Variants in PBX1 observed in about 807,000 individuals in gnomAD.
The protein encoded by PBX1 is pre-B-cell leukemia transcription factor 1.
PBX1 carries 6 observed loss-of-function variants against 53.4 expected under a neutral mutation model. That is an observed-to-expected ratio of 0.11 (90% CI 0.06 to 0.22). The LOEUF (loss-of-function observed/expected upper bound fraction) is 0.22. Among genes scored for constraint, PBX1 ranks in the 10% least tolerant of loss-of-function variants. PBX1 has a pLI of 1.00. For missense variants in PBX1, 251 were observed against 551.4 expected (o/e 0.46, Z 5.46); for synonymous variants, 204 against 212.3 (o/e 0.96, Z 0.34).
intron 6 of PBX1, chr1:164,814,398 T>A (rs1050950403): frequency 6.6e-6 from 1 of 151,460 alleles, no homozygotes; most frequent in Non-Finnish European, 1.5e-5. Context: ...GAAGCAGAAG[T>A]TTTTTTTTCA....
rs970321579 is a variant in PBX1, at chr1:164,683,691, A to G, written c.266-108803A>G. 5 of 151,230 alleles carry G rather than the reference A, an allele frequency of 3.3e-5. No individual in the cohort carries two copies. The East Asian group carries it at 9.7e-4, about 29-fold the overall frequency. The allele number at this position is 151,230 out of a possible 1,614,324, so 9.4% of individuals were successfully genotyped here. ...ACTAGTTAAGGACTGACTGCTGAAC[A>G]TGGTCCAGAAACTTACTGTCAAATT... On this transcript the variant is annotated intron_variant, in intron 2 of 8. Transcript: ENST00000420696.
At chr1:164,657,670 G>T (rs1660241646) in intron 2 of PBX1, among the ~76,000 whole-genome samples, 1 of 152,172 alleles carries the variant, frequency 6.6e-6, no homozygotes, top group Non-Finnish European at 1.5e-5. Context: ...CTATAAGTGG[G>T]CATATTGTTT....
chr1:164,643,757 T>G (rs1659290654), intron 2 of PBX1, among the ~76,000 whole-genome samples: 1 of 152,246 alleles, frequency 6.6e-6, no homozygotes, highest in Non-Finnish European at 1.5e-5. Context: ...ATCACATATA[T>G]TTTATAGATG....
chr1:164,780,176 T>C (rs1159174507), intron 2 of PBX1, among the ~76,000 whole-genome samples: 1 of 152,094 alleles, frequency 6.6e-6, no homozygotes, highest in East Asian at 1.9e-4. Flanking sequence ...AGAGACCCCC[T>C]GCTCTCCCCA....
chr1:164,562,026 C>T (rs928594862), intron 1 of PBX1, among the ~76,000 whole-genome samples: 5 of 151,886 alleles, frequency 3.3e-5, no homozygotes, highest in African/African-American at 9.7e-5. Flanking sequence ...CAATGTAACT[C>T]CACTTAGTAG....
intron 2 of PBX1, among the ~76,000 whole-genome samples, chr1:164,702,095 A>G (rs762903682): frequency 7.9e-5 from 12 of 152,214 alleles, no homozygotes; most frequent in Non-Finnish European, 1.0e-4. Context: ...TATAGCTTGT[A>G]TAGTAATTCC....
intron 8 of PBX1, among the ~76,000 whole-genome samples, chr1:164,838,251 G>A (rs182536095): frequency 5.6e-4 from 86 of 152,248 alleles, no homozygotes; most frequent in Middle Eastern, 3.4e-3. Context: ...TTACTCTTAG[G>A]TCTTAGACCA....
rs11372613 is a variant in PBX1 at position 164,708,383 on chromosome 1, T to TAA, written c.266-84104_266-84103dup. 2.2e-4 allele frequency among the ~76,000 whole-genome samples: 33 copies of TAA among 151,924 alleles called. No individual in the cohort carries two copies. The East Asian group carries it at 3.5e-3, about 16-fold the overall frequency. ...GCTTTACACATATATAGTCTTTTTT[T>TAA]AAAAAAAATATTTTCTTTTCTTTTA... On this transcript the variant is annotated intron_variant, in intron 2 of 8. Transcript: ENST00000420696.
At chr1:164,761,606 G>A (rs186011211) in intron 2 of PBX1, among the ~76,000 whole-genome samples, 353 of 152,164 alleles carry the variant, frequency 2.3e-3, no homozygotes, top group Non-Finnish European at 3.8e-3. Context: ...CACCATGCCC[G>A]GCTAATTTTT....
At chr1:164,613,669 A>G (rs1340600675) in intron 2 of PBX1, among the ~76,000 whole-genome samples, 1 of 152,168 alleles carries the variant, frequency 6.6e-6, no homozygotes, top group East Asian at 1.9e-4. Context: ...TTACATAGTC[A>G]TGCTCCATGT....
At chr1:164,739,752 CAT>C in intron 2 of PBX1, among the ~76,000 whole-genome samples, 1 of 114,632 alleles carries the variant, frequency 8.7e-6, no homozygotes, top group South Asian at 5.6e-4. Context: ...AGTGGTTGTG[CAT>C]GTGTGTGTGT....
At position 164,847,680 on chromosome 1, in the gene PBX1, G is replaced by A. The variant is rs1183803783; in HGVS notation, c.*1004G>A. Reference sequence around the variant, plus strand: ...TCTCACATCTTCACTTTCCCGAGATGCCATATACAATTACCTACATTAATA... The same window carrying A: ...TCTCACATCTTCACTTTCCCGAGATACCATATACAATTACCTACATTAATA... On this transcript the variant is annotated 3_prime_UTR_variant, in exon 9 of 9. Transcript: ENST00000420696. 9.5e-7 allele frequency: 1 copy of A among 1,057,786 alleles called. No homozygotes were observed. Among genetic ancestry groups the A allele is most frequent in the African/African-American group, 1.6e-5 (1 of 60,610 alleles). The allele number at this position is 1,057,786 out of a possible 1,614,324, so 65.5% of individuals were successfully genotyped here. A position where few individuals can be genotyped will look rare whatever the true frequency, so the allele number is the denominator to read the frequency against.
intron 2 of PBX1, among the ~76,000 whole-genome samples, chr1:164,726,172 C>G (rs1664690897): frequency 6.6e-6 from 1 of 152,148 alleles, no homozygotes. Context: ...CAGTGTTTAC[C>G]TGTGAGCATT....
chr1:164,667,452 C>A (rs932547559), intron 2 of PBX1, among the ~76,000 whole-genome samples: 6 of 151,064 alleles, frequency 4.0e-5, no homozygotes, highest in South Asian at 2.1e-4. Context: ...ATAGCTCTGT[C>A]TATATATATA....
intron 2 of PBX1, among the ~76,000 whole-genome samples, chr1:164,661,404 A>C (rs1389488737): frequency 6.7e-6 from 1 of 150,276 alleles, no homozygotes; most frequent in East Asian, 2.0e-4. Flanking sequence ...AGGGATCACC[A>C]GCAATTTCAC....
chr1:164,821,260 C>T (rs1670138548), intron 7 of PBX1, among the ~76,000 whole-genome samples: 1 of 152,172 alleles, frequency 6.6e-6, no homozygotes, highest in Non-Finnish European at 1.5e-5. Context: ...TCATCCTAAT[C>T]CTTACCATCT....
chr1:164,862,741 C>G lies in PBX1; in HGVS notation n.257+31258C>G, dbSNP rs185198330. Among the ~76,000 whole-genome samples the G allele has an allele frequency of 9.2e-5, 14 of 152,304 alleles. 1 individual carries two copies. Among genetic ancestry groups the G allele is most frequent in the Admixed American group, 9.2e-4 (14 of 15,294 alleles). On this transcript the variant is annotated intron_variant and non_coding_transcript_variant, in intron 2 of 2. Coordinates refer to the PBX1 transcript ENST00000558796. Reference sequence around the variant, plus strand: ...TCCCCTTGGCTACTTCCCCAGCACTCGGTCCAGCCAACACCATTGCCAATA... The same window carrying G: ...TCCCCTTGGCTACTTCCCCAGCACTGGGTCCAGCCAACACCATTGCCAATA...
intron 2 of PBX1, among the ~76,000 whole-genome samples, chr1:164,621,165 T>G (rs1309376048): frequency 6.6e-6 from 1 of 152,036 alleles, no homozygotes; most frequent in Non-Finnish European, 1.5e-5. Flanking sequence ...ATTTTTGTAT[T>G]TTTAGTAGAG....
chr1:164,872,702 G>A (rs1291914940), intron 2 of PBX1, among the ~76,000 whole-genome samples: 1 of 152,224 alleles, frequency 6.6e-6, no homozygotes, highest in African/African-American at 2.4e-5. Flanking sequence ...AATGGGCAAG[G>A]AGTCATATAA....
Sources: gnomAD v4.1 joint callset for allele counts (sites outside exome capture counted in the v4.1 genomes callset) on GRCh38, gnomAD v4.1.1 for gene constraint, MANE v1.5 for transcripts, NCBI Gene and HGNC (gene_info 2026-07-23, HGNC 2026-07-21) for gene names.